TXLNB: variants seen among roughly 807,000 people sequenced by gnomAD.
TXLNB encodes taxilin beta, also known as beta-taxilin.
Under a neutral mutation model 57.4 loss-of-function variants are expected in TXLNB, and 37 were observed. The observed-to-expected ratio is 0.64, with a 90% CI of 0.50 to 0.85. TXLNB has a LOEUF of 0.85. Among genes scored for constraint, TXLNB ranks in the 40% least tolerant of loss-of-function variants. The pLI is 0.00. For missense variants in TXLNB, 848 were observed against 825.6 expected, an observed-to-expected ratio of 1.03 and a Z score of -0.33; for synonymous variants, 302 against 309.6, an observed-to-expected ratio of 0.98 and a Z score of 0.26.
the TXLNB span, among the ~76,000 whole-genome samples, chr6:139,190,107 G>A: frequency 6.6e-6 from 1 of 152,128 alleles, no homozygotes; most frequent in Non-Finnish European, 1.5e-5. Flanking sequence ...AAAATACCTG[G>A]ATCATAAGAA....
the TXLNB span, among the ~76,000 whole-genome samples, chr6:139,314,307 T>A: frequency 6.6e-6 from 1 of 152,240 alleles, no homozygotes; most frequent in Non-Finnish European, 1.5e-5. Context: ...GTTTCATCTA[T>A]GTAACAAGAA....
At chr6:139,161,513 A>C in the TXLNB span, among the ~76,000 whole-genome samples, 2 of 152,186 alleles carry the variant, frequency 1.3e-5, no homozygotes, top group Non-Finnish European at 2.9e-5. Flanking sequence ...CCATGTGTGC[A>C]CTTCTGTTAG....
chr6:139,232,573 T>C, the TXLNB span, among the ~76,000 whole-genome samples: 3 of 152,240 alleles, frequency 2.0e-5, no homozygotes, highest in African/African-American at 7.2e-5. Flanking sequence ...GCTTGTTACA[T>C]CTTCCTAGTA....
At chr6:139,322,605 C>T in the TXLNB span, among the ~76,000 whole-genome samples, 6 of 152,170 alleles carry the variant, frequency 3.9e-5, no homozygotes, top group Admixed American at 2.0e-4. Flanking sequence ...CTCCTCTCTT[C>T]CTTTTCCATC....
the TXLNB span, among the ~76,000 whole-genome samples, chr6:139,205,644 GA>G: frequency 2.1e-4 from 30 of 146,248 alleles, no homozygotes; most frequent in Admixed American, 1.1e-3. Flanking sequence ...AAAAAGAAAA[GA>G]AAAAAAAAAG....
At chr6:139,200,942 T>C in the TXLNB span, among the ~76,000 whole-genome samples, 1 of 152,172 alleles carries the variant, frequency 6.6e-6, no homozygotes, top group South Asian at 2.1e-4. Flanking sequence ...TCCTGGTCTC[T>C]ATCCAGTCTC....
At chr6:139,223,992 C>T in the TXLNB span, among the ~76,000 whole-genome samples, 1 of 147,716 alleles carries the variant, frequency 6.8e-6, no homozygotes, top group Admixed American at 6.8e-5. Context: ...AAGACACATG[C>T]ACACGTATGT....
chr6:139,261,816 C>T (rs1776488782), intron 5 of TXLNB, among the ~76,000 whole-genome samples: 1 of 151,614 alleles, frequency 6.6e-6, no homozygotes, highest in African/African-American at 2.4e-5. Flanking sequence ...ACAAACTAAC[C>T]ACTGAATAAA....
At chr6:139,162,212 C>T in the TXLNB span, among the ~76,000 whole-genome samples, 4 of 151,980 alleles carry the variant, frequency 2.6e-5, no homozygotes, top group African/African-American at 9.7e-5. Context: ...GCCAGACCAT[C>T]AGGGAGGGGA....
At chr6:139,209,020 T>C in the TXLNB span, among the ~76,000 whole-genome samples, 1 of 152,186 alleles carries the variant, frequency 6.6e-6, no homozygotes, top group African/African-American at 2.4e-5. Context: ...GCTGATGACA[T>C]GATCGTATAT....
At chr6:139,174,382 C>G in the TXLNB span, 1 of 1,612,820 alleles carries the variant, frequency 6.2e-7, no homozygotes, top group Non-Finnish European at 8.5e-7. Flanking sequence ...CTTCTGTGCA[C>G]AGGGAGACTC....
chr6:139,248,091 T>C (rs980013262), intron 7 of TXLNB, among the ~76,000 whole-genome samples, 182 bp from the exon 8 acceptor site: 3 of 151,970 alleles, frequency 2.0e-5, no homozygotes, highest in African/African-American at 7.2e-5. Context: ...AATGGAAAAA[T>C]AGTCTGGGCG....
the TXLNB span, among the ~76,000 whole-genome samples, chr6:139,173,206 C>G: frequency 6.6e-6 from 1 of 152,298 alleles, no homozygotes; most frequent in East Asian, 1.9e-4. Flanking sequence ...TTCTTGTCAT[C>G]CTTCCCCCTT....
the TXLNB span, among the ~76,000 whole-genome samples, chr6:139,162,035 G>A: frequency 1.3e-5 from 2 of 152,096 alleles, no homozygotes; most frequent in Non-Finnish European, 2.9e-5. Flanking sequence ...GTGTGGGTTT[G>A]GTGAGCCAGT....
the TXLNB span, among the ~76,000 whole-genome samples, chr6:139,191,818 C>G: frequency 0.012 from 1,834 of 152,266 alleles, 15 homozygotes; most frequent in Non-Finnish European, 0.019. Flanking sequence ...TAAGCAACCA[C>G]AGGGACGCGA....
chr6:139,180,429 A>G, the TXLNB span: 502 of 152,764 alleles, frequency 3.3e-3, 1 homozygote, highest in Non-Finnish European at 5.3e-3. Flanking sequence ...GTGTCCTGGT[A>G]GCAGCTGTTG....
the TXLNB span, among the ~76,000 whole-genome samples, chr6:139,310,875 A>T: frequency 5.6e-4 from 85 of 152,172 alleles, no homozygotes; most frequent in Non-Finnish European, 1.0e-3. Context: ...TTGTATTTTT[A>T]GTAGAGACAG....
the TXLNB span, among the ~76,000 whole-genome samples, chr6:139,223,779 T>TA: frequency 8.5e-4 from 129 of 152,196 alleles, 1 homozygote; most frequent in African/African-American, 7.9e-4. Flanking sequence ...TGGCAATCAT[T>TA]AAAAAATCAG....
At chr6:139,234,289 G>A in the TXLNB span, 1 of 152,198 alleles carries the variant, frequency 6.6e-6, no homozygotes, top group Non-Finnish European at 1.5e-5. Context: ...AAGTAATGAG[G>A]AGCTGAATGT....
Sources: gnomAD v4.1 joint callset for allele counts (sites outside exome capture counted in the v4.1 genomes callset) on GRCh38, gnomAD v4.1.1 for gene constraint, MANE v1.5 for transcripts, NCBI Gene and HGNC (gene_info 2026-07-23, HGNC 2026-07-21) for gene names.